The following DOCK2 variants were observed in gnomAD, a reference collection of about 807,000 sequenced individuals.
DOCK2 encodes the protein dedicator of cytokinesis protein 2.
In DOCK2, 87 loss-of-function variants were observed where a neutral mutation model predicts 248.9. The observed-to-expected ratio is 0.35, with a 90% CI of 0.29 to 0.42. The LOEUF (loss-of-function observed/expected upper bound fraction) is 0.42. DOCK2 is among the 10% of genes least tolerant of loss of function. The pLI is 1.00. For synonymous variants in DOCK2, 805 were observed against 821.6 expected (o/e 0.98, Z 0.35); for missense variants, 1,747 against 2,300.2 (o/e 0.76, Z 4.92).
intron 19 of DOCK2, among the ~76,000 whole-genome samples, chr5:169,715,175 A>G: frequency 6.6e-6 from 1 of 152,194 alleles, no homozygotes; most frequent in East Asian, 1.9e-4. Context: ...TCCACATGGT[A>G]GTGGAGAATA....
intron 46 of DOCK2, among the ~76,000 whole-genome samples, chr5:170,070,648 C>T (rs1418634009): frequency 6.6e-6 from 1 of 152,192 alleles, no homozygotes; most frequent in Non-Finnish European, 1.5e-5. Context: ...TTCCCATCCT[C>T]AGATATTGCT....
chr5:170,061,061 G>T (rs1242353540), intron 44 of DOCK2, among the ~76,000 whole-genome samples: 2 of 152,022 alleles, frequency 1.3e-5, no homozygotes, highest in African/African-American at 4.8e-5. Context: ...AATATGAAAT[G>T]CCACCTAATT....
At chr5:169,969,251 C>T (rs1466459479) in intron 27 of DOCK2, among the ~76,000 whole-genome samples, 1 of 152,050 alleles carries the variant, frequency 6.6e-6, no homozygotes, top group African/African-American at 2.4e-5. Context: ...TCAAGAACAG[C>T]TTGGCCAATA....
intron 40 of DOCK2, among the ~76,000 whole-genome samples, chr5:170,050,004 G>A (rs574919780): frequency 2.4e-4 from 37 of 152,298 alleles, no homozygotes; most frequent in Middle Eastern, 3.4e-3. Flanking sequence ...GCTGTACATA[G>A]GATGGTAAGA....
intron 27 of DOCK2, among the ~76,000 whole-genome samples, chr5:169,929,354 T>C (rs1465782671): frequency 1.3e-5 from 2 of 152,158 alleles, no homozygotes; most frequent in Non-Finnish European, 2.9e-5. Context: ...CATAGCTTTT[T>C]ACACGTAGAT....
chr5:169,907,978 A>T (rs1229328272), intron 27 of DOCK2, among the ~76,000 whole-genome samples: 1 of 152,186 alleles, frequency 6.6e-6, no homozygotes, highest in African/African-American at 2.4e-5. Context: ...CAATATTCCC[A>T]GTCTCCACTG....
At chr5:169,828,822 C>A (rs1273392252) in intron 26 of DOCK2, among the ~76,000 whole-genome samples, 2 of 152,162 alleles carry the variant, frequency 1.3e-5, no homozygotes, top group African/African-American at 4.8e-5. Context: ...AACTTAAATC[C>A]GCTTAATAAA....
intron 30 of DOCK2, among the ~76,000 whole-genome samples, chr5:170,006,691 C>T (rs1340668867): frequency 6.6e-6 from 1 of 152,204 alleles, no homozygotes; most frequent in African/African-American, 2.4e-5. Flanking sequence ...AAAGCATTCA[C>T]TCAACAAAAT....
intron 4 of DOCK2, 43 bp from the exon 5 acceptor site, chr5:169,671,035 C>G: frequency 1.9e-6 from 3 of 1,566,508 alleles, no homozygotes; most frequent in Non-Finnish European, 2.6e-6. Flanking sequence ...TTGTTAGCAC[C>G]TGGGTCTCAA....
In DOCK2 at chr5:169,700,408, A is replaced by G. The variant is rs188955837; in HGVS notation, c.1258+269A>G. Reference sequence around the variant, plus strand: ...TATTCCTTTACTTAATATACTTTATATAGTATTCTACAACTTGTTTTTATC... The same window carrying G: ...TATTCCTTTACTTAATATACTTTATGTAGTATTCTACAACTTGTTTTTATC... On this transcript the variant is annotated intron_variant, in intron 13 of 51. Coordinates refer to ENST00000520908, the MANE Select transcript of DOCK2 (RefSeq NM_004946.3). 3.0e-3 allele frequency among the ~76,000 whole-genome samples: 459 copies of G among 152,342 alleles called. 2 individuals are homozygous for G. The highest frequency in any genetic ancestry group is 5.2e-3 in the Non-Finnish European group (354 of 68,032).
chr5:169,655,536 A>G (rs1347140685), intron 2 of DOCK2, among the ~76,000 whole-genome samples: 1 of 152,206 alleles, frequency 6.6e-6, no homozygotes, highest in African/African-American at 2.4e-5. Context: ...TAAGTTCTTT[A>G]TAACACATGA....
chr5:169,942,562 T>G (rs1385796174), intron 27 of DOCK2, among the ~76,000 whole-genome samples: 3 of 152,232 alleles, frequency 2.0e-5, no homozygotes, highest in African/African-American at 7.2e-5. Context: ...TAATTTTCCC[T>G]CCCAAGTTCC....
intron 27 of DOCK2, among the ~76,000 whole-genome samples, chr5:169,973,852 G>C (rs930202583): frequency 3.9e-5 from 6 of 152,106 alleles, no homozygotes; most frequent in Admixed American, 3.3e-4. Context: ...TTATCCATAT[G>C]TCCATACATC....
At chr5:169,859,410 C>G (rs1003745378) in intron 27 of DOCK2, among the ~76,000 whole-genome samples, 9 of 152,186 alleles carry the variant, frequency 5.9e-5, no homozygotes, top group Non-Finnish European at 8.8e-5. Flanking sequence ...GTGGTTTGTG[C>G]TGAATGCTGA....
At chr5:169,958,734 A>G (rs1283651984) in intron 27 of DOCK2, among the ~76,000 whole-genome samples, 1 of 152,154 alleles carries the variant, frequency 6.6e-6, no homozygotes, top group African/African-American at 2.4e-5. Context: ...GTGTGCAGCA[A>G]TGCCCAGCAA....
intron 6 of DOCK2, among the ~76,000 whole-genome samples, chr5:169,679,148 T>C (rs557391676): frequency 6.6e-6 from 1 of 152,148 alleles, no homozygotes; most frequent in Non-Finnish European, 1.5e-5. Context: ...CAAGTGATCC[T>C]CCCACCTCAG....
In DOCK2 at chr5:169,791,661, C is replaced by T. The variant is rs373651008; in HGVS notation, c.2555-11397C>T. 1.8e-4 allele frequency among the ~76,000 whole-genome samples: 28 copies of T among 152,284 alleles called. No individual in the cohort carries two copies. In the East Asian group the frequency reaches 1.9e-3, roughly 11 times the overall value. ...GTGAGTGGGGCTGGAATAACACTGG[C>T]GTTGGAGTCAGACAGGTCCATGCTG... On this transcript the variant is annotated intron_variant, in intron 25 of 51. Transcript: ENST00000520908.
chr5:169,852,022 G>A (rs1190385857), intron 27 of DOCK2, among the ~76,000 whole-genome samples: 1 of 152,180 alleles, frequency 6.6e-6, no homozygotes, highest in East Asian at 1.9e-4. Context: ...GGGGAAGCTG[G>A]TGCCAAAGCT....
At chr5:169,820,852 A>C (rs952376466) in intron 26 of DOCK2, among the ~76,000 whole-genome samples, 2 of 152,240 alleles carry the variant, frequency 1.3e-5, no homozygotes, top group Non-Finnish European at 2.9e-5. Context: ...ACCAATGGCA[A>C]AGAAGTTAAA....
Sources: gnomAD v4.1 joint callset for allele counts (sites outside exome capture counted in the v4.1 genomes callset) on GRCh38, gnomAD v4.1.1 for gene constraint, MANE v1.5 for transcripts, NCBI Gene and HGNC (gene_info 2026-07-23, HGNC 2026-07-21) for gene names.